HERC2: variants seen among roughly 807,000 people sequenced by gnomAD.
HERC2 encodes HECT and RLD domain containing E3 ubiquitin protein ligase 2.
HERC2 carries 102 observed loss-of-function variants against 537.7 expected under a neutral mutation model. The observed-to-expected ratio is 0.19, with a 90% CI of 0.16 to 0.22. The LOEUF (loss-of-function observed/expected upper bound fraction) is 0.22, where lower values mean the gene tolerates loss of function less well. Ranked by LOEUF, HERC2 falls within the 10% of genes least tolerant of loss-of-function variation. The pLI, the probability that HERC2 is intolerant of heterozygous loss-of-function variation, is 1.00. For synonymous variants in HERC2, 2,224 were observed against 2,466.2 expected, an observed-to-expected ratio of 0.90 and a Z score of 2.91; for missense variants, 4,236 against 6,198.2, an observed-to-expected ratio of 0.68 and a Z score of 10.63.
At chr15:28,198,307 A>G in intron 50 of HERC2, 71 bp downstream of exon 50, 1 of 1,511,208 alleles carries the variant, frequency 6.6e-7, no homozygotes. Context: ...GCTTGAACAA[A>G]AAGAAATACT....
At chr15:28,117,391 C>T (rs1888387519) in intron 86 of HERC2, 1 of 698,160 alleles carries the variant, frequency 1.4e-6, no homozygotes, top group Non-Finnish European at 2.6e-6. Context: ...TGCCCAGCAG[C>T]CCCCAGGACT....
In HERC2 at chr15:28,121,548, T is replaced by A; in HGVS notation, c.13189-119A>T. The A allele has an allele frequency of 1.3e-5, 10 of 799,870 alleles. No homozygotes were observed. The South Asian group carries it at 1.5e-4, about 12-fold the overall frequency. 49.5% of individuals were successfully genotyped at this position (799,870 alleles called of 1,614,324 possible). ...GAAGACCTTCTTAAGGACAGAAAAC[T>A]GCCAGTTCCCTTTTCTCAAGTTGTG... On this transcript the variant is annotated intron_variant, in intron 85 of 92. Coordinates refer to ENST00000261609, the MANE Select transcript of HERC2 (RefSeq NM_004667.6).
rs892861068 is a variant in HERC2, at chr15:28,190,988, G to A, written c.8626C>T (p.Pro2876Ser). The A allele has an allele frequency of 1.9e-6, 3 of 1,609,678 alleles. No homozygotes were observed. Among genetic ancestry groups the A allele is most frequent in the Non-Finnish European group, 2.6e-6 (3 of 1,176,086 alleles). The change falls in exon 55 of 93, where the codon CCC becomes TCC. Residue 2876 changes from proline to serine, a missense_variant. Pro to Ser is a moderately conservative substitution (Grantham distance 74). Around this residue, in one of 27 missense-constraint regions of HERC2, gnomAD observed 606 missense variants for 884.5 expected, o/e 0.69. Transcript: ENST00000261609. ...ININPSDTTVPLLNDCTEYHR... is the reference protein window; with the variant it reads ...ININPSDTTVSLLNDCTEYHR... ...ACCTCTGTGCAGTCATTCAGAAGGG[G>A]CACTGTGGTGTCAGAAGGGTTAATA...
At chr15:28,217,327 T>C (rs2140472733) in intron 38 of HERC2, among the ~76,000 whole-genome samples, 1 of 152,264 alleles carries the variant, frequency 6.6e-6, no homozygotes, top group East Asian at 1.9e-4. Flanking sequence ...TTACATGCTC[T>C]CATGGACACA....
At chr15:28,225,947 T>A (rs1248419624) in intron 35 of HERC2, among the ~76,000 whole-genome samples, 1 of 152,134 alleles carries the variant, frequency 6.6e-6, no homozygotes, top group African/African-American at 2.4e-5. Context: ...ATTGAATCAG[T>A]AATTAAAAAT....
At position 28,141,515 on chromosome 15, in the gene HERC2, G is replaced by C; in HGVS notation, c.11932C>G (p.Pro3978Ala). The change falls in exon 78 of 93, where the codon CCC becomes GCC. Residue 3978 changes from proline (P) to alanine (A), a missense_variant. Physicochemically the swap from Pro to Ala is conservative, Grantham distance 27. Around this residue, in one of 27 missense-constraint regions of HERC2, gnomAD observed 156 missense variants for 172.3 expected, o/e 0.91. Transcript: ENST00000261609. ...IEGAKVKVPT[P>A]CEALATLRPV... ...CTGAGAGTTGCAAGGGCTTCACAGG[G>C]AGTGGGAACTTTGACTTTTGCGCCT... 6.2e-7 allele frequency: 1 copy of C among 1,614,160 alleles called. No individual in the cohort carries two copies. Among genetic ancestry groups the C allele is most frequent in the Non-Finnish European group, 8.5e-7 (1 of 1,180,020 alleles).
chr15:28,120,156 G>A (rs1028533016), intron 86 of HERC2, among the ~76,000 whole-genome samples: 2 of 152,174 alleles, frequency 1.3e-5, no homozygotes, highest in African/African-American at 4.8e-5. Flanking sequence ...GGAAATAAAA[G>A]CTTTTTTATG....
intron 2 of HERC2, among the ~76,000 whole-genome samples, chr15:28,304,800 G>GAT (rs2076737058): frequency 7.5e-6 from 1 of 133,234 alleles, no homozygotes; most frequent in Non-Finnish European, 1.6e-5. Flanking sequence ...ATGCTGGTGT[G>GAT]CTGCACCCAC....
chr15:28,276,387 G>C (rs901130402), intron 5 of HERC2, among the ~76,000 whole-genome samples: 2 of 152,026 alleles, frequency 1.3e-5, no homozygotes, highest in African/African-American at 4.8e-5. Context: ...CTGGGTACCT[G>C]GAAGATGGAA....
At chr15:28,251,693 G>A (rs1428942883) in intron 20 of HERC2, among the ~76,000 whole-genome samples, 21 of 149,506 alleles carry the variant, frequency 1.4e-4, no homozygotes, top group South Asian at 4.3e-4. Context: ...CCAGCTGCTC[G>A]GGAGGCTGAG....
At position 28,130,226 on chromosome 15, in the gene HERC2, G is replaced by A; in HGVS notation, c.12739C>T (p.Gln4247Ter). Residue 4247 changes from glutamine (Q) to a stop codon, truncating the protein, a stop_gained, in exon 83 of 93, where the codon CAG (glutamine) becomes TAG (stop). Transcript: ENST00000261609. LOFTEE classifies it high-confidence loss of function. ...VRRPRQVQGL[Q>*]GKKVIAIATG... ...GCGATGGCGATGACTTTCTTCCCCT[G>A]CAACCCTTGGACCTGCCGAGGCCTT... The A allele has an allele frequency of 6.2e-7, 1 of 1,614,152 alleles. No individual in the cohort carries two copies. Among genetic ancestry groups the A allele is most frequent in the Non-Finnish European group, 8.5e-7 (1 of 1,180,026 alleles).
intron 2 of HERC2, among the ~76,000 whole-genome samples, chr15:28,314,465 T>C (rs1194624664): frequency 6.6e-6 from 1 of 152,114 alleles, no homozygotes; most frequent in Non-Finnish European, 1.5e-5. Flanking sequence ...ACTCTGCCTA[T>C]GTAGGAGCCA....
At position 28,177,796 on chromosome 15, in the gene HERC2, G is replaced by A. The variant is rs191208270; in HGVS notation, c.9164-287C>T. On this transcript the variant is annotated intron_variant, in intron 59 of 92. Coordinates refer to ENST00000261609, the MANE Select transcript of HERC2 (RefSeq NM_004667.6). This position sits in a 1 kb window ranked among gnomAD's most constrained non-coding sequence, Gnocchi z 5.0. Reference sequence around the variant, plus strand: ...GGGGTTCCTATTATGTTAAATACACGAAAAATCAAAATTTAGATGAAAAAA... The same window carrying A: ...GGGGTTCCTATTATGTTAAATACACAAAAAATCAAAATTTAGATGAAAAAA... Among the ~76,000 whole-genome samples the A allele has an allele frequency of 3.9e-5, 6 of 152,136 alleles. No individual in the cohort carries two copies. In the East Asian group the frequency reaches 9.6e-4, roughly 24 times the overall value.
At chr15:28,303,858 T>C (rs1468520903) in intron 2 of HERC2, among the ~76,000 whole-genome samples, 11 of 152,162 alleles carry the variant, frequency 7.2e-5, no homozygotes, top group Admixed American at 6.5e-4. Flanking sequence ...TTGTTCACTG[T>C]TGACATACAG....
At chr15:28,137,790 A>G (rs1260108414) in intron 78 of HERC2, among the ~76,000 whole-genome samples, 5 of 152,238 alleles carry the variant, frequency 3.3e-5, no homozygotes, top group East Asian at 1.9e-4. Flanking sequence ...GAAGAGTTGC[A>G]TATTTCTCAC....
At chr15:28,283,381 G>A (rs2076076152) in intron 4 of HERC2, among the ~76,000 whole-genome samples, 2 of 152,312 alleles carry the variant, frequency 1.3e-5, no homozygotes, top group African/African-American at 4.8e-5. Flanking sequence ...AGAAACCATG[G>A]AGCCCAGCTG....
intron 70 of HERC2, among the ~76,000 whole-genome samples, chr15:28,147,805 C>G (rs542037758): frequency 6.6e-6 from 1 of 152,158 alleles, no homozygotes; most frequent in South Asian, 2.1e-4. Flanking sequence ...GGAGGCCCAG[C>G]TGGGAGGACT....
At chr15:28,181,425 T>C in intron 57 of HERC2, among the ~76,000 whole-genome samples, 1 of 152,132 alleles carries the variant, frequency 6.6e-6, no homozygotes, top group East Asian at 1.9e-4. Context: ...CAAATGCAAT[T>C]CAAGACTGCT....
intron 2 of HERC2, among the ~76,000 whole-genome samples, chr15:28,316,787 A>T (rs891027073): frequency 1.3e-5 from 2 of 151,934 alleles, no homozygotes; most frequent in Non-Finnish European, 2.9e-5. Flanking sequence ...GATCGTTTTT[A>T]TTTTTTTTGA....
Sources: allele counts gnomAD v4.1 joint callset (sites outside exome capture counted in the v4.1 genomes callset), GRCh38; gene constraint gnomAD v4.1.1; regional missense constraint gnomAD v4.1.1; non-coding constraint Gnocchi (gnomAD v3.1); transcripts MANE v1.5; gene names NCBI Gene and HGNC (gene_info 2026-07-23, HGNC 2026-07-21).